Variants in HLCS observed in about 807,000 individuals in gnomAD.
HLCS encodes holocarboxylase synthetase.
HLCS carries 53 observed loss-of-function variants against 75.0 expected under a neutral mutation model. The ratio of observed to expected loss-of-function variants is 0.71; its 90% CI spans 0.57 to 0.89. The LOEUF (loss-of-function observed/expected upper bound fraction) is 0.89. Among genes scored for constraint, HLCS ranks in the 40% least tolerant of loss-of-function variants. The probability of loss-of-function intolerance (pLI) is 0.00; values close to 1 mark genes in which losing one functional copy is unlikely to be tolerated. For missense variants in HLCS, 966 were observed against 1,074.0 expected, an observed-to-expected ratio of 0.90 and a Z score of 1.41; for synonymous variants, 431 against 428.6, an observed-to-expected ratio of 1.01 and a Z score of -0.07.
chr21:36,895,031 C>T (rs533991909), intron 6 of HLCS, among the ~76,000 whole-genome samples: 1 of 148,642 alleles, frequency 6.7e-6, no homozygotes, highest in African/African-American at 2.5e-5. Flanking sequence ...GTGTGCTGCC[C>T]TCTTGGTGAC....
chr21:36,841,980 G>C (rs915711781), intron 6 of HLCS, among the ~76,000 whole-genome samples: 1 of 151,914 alleles, frequency 6.6e-6, no homozygotes, highest in Non-Finnish European at 1.5e-5. Flanking sequence ...TCTACTCCTG[G>C]GTATACACTC....
chr21:36,945,310 T>C (rs555794132), intron 2 of HLCS, among the ~76,000 whole-genome samples: 35 of 151,996 alleles, frequency 2.3e-4, no homozygotes, highest in Non-Finnish European at 4.7e-4. Context: ...CCATTTTTCA[T>C]CATTCAGGAA....
chr21:36,979,755 AAATT>A (rs1186172597), intron 1 of HLCS, among the ~76,000 whole-genome samples: 1 of 151,966 alleles, frequency 6.6e-6, no homozygotes, highest in Non-Finnish European at 1.5e-5. Flanking sequence ...TCTGTACAGA[AAATT>A]AAAAATTAGC....
chr21:36,830,821 C>CAA (rs34494258), intron 6 of HLCS, among the ~76,000 whole-genome samples: 7 of 61,986 alleles, frequency 1.1e-4, no homozygotes, highest in South Asian at 6.9e-4. Flanking sequence ...GACCCTCTCT[C>CAA]AAAAAAAAAA....
chr21:36,935,371 G>C (rs1480487565), intron 4 of HLCS, among the ~76,000 whole-genome samples: 1 of 152,068 alleles, frequency 6.6e-6, no homozygotes, highest in African/African-American at 2.4e-5. Flanking sequence ...AAGAACAAGT[G>C]AGTCGGCTTT....
intron 6 of HLCS, among the ~76,000 whole-genome samples, chr21:36,858,815 C>G (rs2063289001): frequency 6.6e-6 from 1 of 152,130 alleles, no homozygotes; most frequent in Non-Finnish European, 1.5e-5. Context: ...AGAGGAAGCC[C>G]ATGCACAACG....
rs1316194346 is a variant in HLCS at position 36,842,173 on chromosome 21, C to A, written c.1892+54687G>T. ...GAATGAACAAACTATAGCAACAACA[C>A]AGATGACAAGTCAGAATGCAAGAGG... is the stretch of plus-strand genomic sequence containing the variant. On this transcript the variant is annotated intron_variant, in intron 6 of 10. Coordinates refer to ENST00000674895, the MANE Select transcript of HLCS (RefSeq NM_001352514.2). The surrounding 1 kb of genome is among the most constrained non-coding windows in gnomAD (Gnocchi z 4.2). Among the ~76,000 whole-genome samples, 4 of 152,162 alleles carry A rather than the reference C, an allele frequency of 2.6e-5. No homozygotes were observed. Among genetic ancestry groups the A allele is most frequent in the Non-Finnish European group, 4.4e-5 (3 of 68,034 alleles).
At chr21:36,927,044 C>T (rs2066440017) in intron 5 of HLCS, among the ~76,000 whole-genome samples, 1 of 152,234 alleles carries the variant, frequency 6.6e-6, no homozygotes, top group African/African-American at 2.4e-5. Flanking sequence ...CTGCACCTGG[C>T]CCAGTCTTCT....
At chr21:36,881,988 G>A (rs2064238509) in intron 6 of HLCS, among the ~76,000 whole-genome samples, 1 of 152,060 alleles carries the variant, frequency 6.6e-6, no homozygotes, top group Non-Finnish European at 1.5e-5. Flanking sequence ...GAGCAAGAGT[G>A]AGACTCCACG....
rs543688576 is a variant in HLCS, at chr21:36,833,938, A to T, written c.1892+62922T>A. On this transcript the variant is annotated intron_variant, in intron 6 of 10. Transcript: ENST00000674895. ...TGAAGAGGATTTGCTAGAATTTAGT[A>T]CAGTGGACCTGTGAATGACACAGGT... Among the ~76,000 whole-genome samples the T allele has an allele frequency of 5.9e-5, 9 of 152,354 alleles. No homozygotes were observed. In the East Asian group the frequency reaches 1.7e-3, roughly 29 times the overall value.
chr21:36,774,816 T>C (rs953922711), intron 6 of HLCS, among the ~76,000 whole-genome samples: 10 of 152,232 alleles, frequency 6.6e-5, no homozygotes, highest in African/African-American at 2.4e-4. Context: ...ACATAGTTGG[T>C]TGAACTGGCT....
intron 6 of HLCS, among the ~76,000 whole-genome samples, chr21:36,865,145 A>G (rs2063512231): frequency 1.3e-5 from 2 of 151,342 alleles, no homozygotes; most frequent in African/African-American, 4.9e-5. Flanking sequence ...TGGGAGAAGA[A>G]AACAGGCTGA....
chr21:36,812,831 C>A (rs1252250455), intron 6 of HLCS, among the ~76,000 whole-genome samples: 2 of 152,200 alleles, frequency 1.3e-5, no homozygotes, highest in African/African-American at 4.8e-5. Flanking sequence ...GGCCGAGGTG[C>A]GAGGATGGCT....
chr21:36,957,052 CA>C lies in HLCS; in HGVS notation c.330+4983del, dbSNP rs3035105. ...TGGACAACAGAGCCAGACTCCGTCTCAAAAAAAAAAAAAAAAAAAGCCCAAG... is the reference window on the plus strand; with the variant it reads ...TGGACAACAGAGCCAGACTCCGTCTCAAAAAAAAAAAAAAAAAAGCCCAAG... On this transcript the variant is annotated intron_variant, in intron 2 of 10. Coordinates refer to ENST00000674895, the MANE Select transcript of HLCS (RefSeq NM_001352514.2). Among the ~76,000 whole-genome samples, 948 of 107,886 alleles carry C rather than the reference CA, an allele frequency of 8.8e-3. 3 individuals carry two copies. The highest frequency in any genetic ancestry group is 0.011 in the Non-Finnish European group (575 of 52,176). The allele number at this position is 107,886 out of a possible 152,430, so 70.8% of individuals were successfully genotyped here. A position where few individuals can be genotyped will look rare whatever the true frequency, so the allele number is the denominator to read the frequency against.
chr21:36,765,437 C>T (rs966928220), intron 7 of HLCS, among the ~76,000 whole-genome samples: 5 of 152,288 alleles, frequency 3.3e-5, no homozygotes, highest in East Asian at 1.9e-4. Flanking sequence ...AGTCTTACAG[C>T]GTCTGAACAT....
At chr21:36,785,561 T>C (rs2060662917) in intron 6 of HLCS, among the ~76,000 whole-genome samples, 1 of 152,320 alleles carries the variant, frequency 6.6e-6, no homozygotes, top group South Asian at 2.1e-4. Flanking sequence ...TGAATCCTTG[T>C]ACTGTTTGTT....
chr21:36,939,276 C>T (rs2067032935), intron 2 of HLCS, among the ~76,000 whole-genome samples: 2 of 152,178 alleles, frequency 1.3e-5, no homozygotes, highest in African/African-American at 2.4e-5. Context: ...GATAAAGGGA[C>T]ATTCCCCAGA....
At chr21:36,977,153 G>A (rs1465025715) in intron 1 of HLCS, among the ~76,000 whole-genome samples, 3 of 151,794 alleles carry the variant, frequency 2.0e-5, no homozygotes, top group Non-Finnish European at 4.4e-5. Flanking sequence ...AGAGCGAAGC[G>A]GTCACAAATT....
chr21:36,868,735 C>A (rs549068401), intron 6 of HLCS, among the ~76,000 whole-genome samples: 1 of 152,106 alleles, frequency 6.6e-6, no homozygotes, highest in Non-Finnish European at 1.5e-5. Flanking sequence ...GCTGGCACGA[C>A]GACTTTGTCC....
Sources: gnomAD v4.1 joint callset for allele counts (sites outside exome capture counted in the v4.1 genomes callset) on GRCh38, gnomAD v4.1.1 for gene constraint, Gnocchi (gnomAD v3.1) non-coding constraint, MANE v1.5 for transcripts, NCBI Gene and HGNC (gene_info 2026-07-23, HGNC 2026-07-21) for gene names.